Variants in ADK observed in about 807,000 individuals in gnomAD.
ADK encodes the protein adenosine kinase, also known as N6,N6-dimethyladenosine kinase.
In ADK, 24 loss-of-function variants were observed where a neutral mutation model predicts 44.7. The observed-to-expected ratio is 0.54, with a 90% confidence interval of 0.39 to 0.76. The LOEUF (loss-of-function observed/expected upper bound fraction) is 0.76. Among genes scored for constraint, ADK ranks in the 30% least tolerant of loss-of-function variants. The probability of loss-of-function intolerance (pLI) is 0.00; values close to 1 mark genes in which losing one functional copy is unlikely to be tolerated. For synonymous variants in ADK, 128 were observed against 142.6 expected (o/e 0.90, Z 0.73); for missense variants, 321 against 425.1 (o/e 0.76, Z 2.15).
intron 3 of ADK, among the ~76,000 whole-genome samples, chr10:74,234,684 A>G (rs898435059): frequency 2.0e-5 from 3 of 152,174 alleles, no homozygotes; most frequent in African/African-American, 7.2e-5. Flanking sequence ...ATATTGATGA[A>G]TGGTAATCTG....
intron 10 of ADK, among the ~76,000 whole-genome samples, chr10:74,680,354 G>A (rs1855561165): frequency 1.3e-5 from 2 of 151,684 alleles, no homozygotes; most frequent in Non-Finnish European, 2.9e-5. Context: ...AGAGCAATAA[G>A]TATAATATGA....
chr10:74,397,241 GT>G (rs1402168566), intron 5 of ADK, among the ~76,000 whole-genome samples: 2 of 150,820 alleles, frequency 1.3e-5, no homozygotes, highest in Non-Finnish European at 3.0e-5. Context: ...ATAAACAGAT[GT>G]ATCCTTTAGT....
intron 4 of ADK, among the ~76,000 whole-genome samples, chr10:74,362,968 A>G (rs577158443): frequency 6.6e-6 from 1 of 152,328 alleles, no homozygotes; most frequent in African/African-American, 2.4e-5. Flanking sequence ...ATCTCTGCAC[A>G]GATGGGATAG....
intron 3 of ADK, among the ~76,000 whole-genome samples, chr10:74,247,613 A>G (rs991428913): frequency 6.6e-6 from 1 of 152,124 alleles, no homozygotes; most frequent in African/African-American, 2.4e-5. Context: ...TCTTCATTTG[A>G]TATTTTAACT....
At chr10:74,392,150 C>G (rs1420736405) in intron 4 of ADK, among the ~76,000 whole-genome samples, 2 of 152,082 alleles carry the variant, frequency 1.3e-5, no homozygotes, top group South Asian at 4.1e-4. Context: ...TGAGATCCTG[C>G]TTTGAATTCT....
chr10:74,524,436 A>G (rs765605463), intron 6 of ADK, among the ~76,000 whole-genome samples: 1 of 152,204 alleles, frequency 6.6e-6, no homozygotes, highest in African/African-American at 2.4e-5. Context: ...TGTATTTCCC[A>G]GGCTGGAGTG....
intron 10 of ADK, among the ~76,000 whole-genome samples, chr10:74,706,874 A>T (rs1856620573): frequency 6.6e-6 from 1 of 152,214 alleles, no homozygotes; most frequent in South Asian, 2.1e-4. Flanking sequence ...TGAACACTTT[A>T]TGTCTATTTA....
chr10:74,430,515 G>A (rs932748240), intron 6 of ADK, among the ~76,000 whole-genome samples: 2 of 152,118 alleles, frequency 1.3e-5, no homozygotes, highest in East Asian at 3.9e-4. Context: ...AGCATTTTAG[G>A]AGGCCGAGAT....
chr10:74,424,081 C>G (rs1844686104), intron 6 of ADK: 1 of 153,394 alleles, frequency 6.5e-6, no homozygotes, highest in South Asian at 1.9e-4. Flanking sequence ...CAAAGAGGCA[C>G]TTAGTTGGGA....
At chr10:74,486,901 T>G (rs1315469993) in intron 6 of ADK, among the ~76,000 whole-genome samples, 1 of 152,304 alleles carries the variant, frequency 6.6e-6, no homozygotes, top group Admixed American at 6.5e-5. Context: ...TGGTAAGAAT[T>G]CATGTTTCCC....
rs148586152 is a variant in ADK, at chr10:74,359,624, C to T, written c.274-34517C>T. On this transcript the variant is annotated intron_variant, in intron 4 of 10. Transcript: ENST00000539909. ...ACTTGGGAGGCTGAAGCAGGAGGAT[C>T]CTTTGGGCCCAGGTGGTCAAGGCTG... is the stretch of plus-strand genomic sequence containing the variant. 3.2e-3 allele frequency among the ~76,000 whole-genome samples: 484 copies of T among 152,184 alleles called. 7 individuals carry two copies. The highest frequency in any genetic ancestry group is 0.011 in the African/African-American group (454 of 41,526).
At chr10:74,172,104 CT>C (rs1842175750) in intron 1 of ADK, among the ~76,000 whole-genome samples, 1 of 143,984 alleles carries the variant, frequency 6.9e-6, no homozygotes, top group African/African-American at 2.5e-5. Context: ...TAATAAAAAA[CT>C]TTTTTTTCAT....
intron 6 of ADK, among the ~76,000 whole-genome samples, chr10:74,455,619 C>G (rs1450714562): frequency 1.3e-5 from 2 of 152,060 alleles, no homozygotes; most frequent in Admixed American, 6.5e-5. Flanking sequence ...AAGCAATTCT[C>G]CTGCCTCAGC....
At chr10:74,230,020 A>C (rs1844693545) in intron 3 of ADK, among the ~76,000 whole-genome samples, 1 of 150,506 alleles carries the variant, frequency 6.6e-6, no homozygotes, top group Non-Finnish European at 1.5e-5. Context: ...AGCCTGGGTG[A>C]CAGAATGAGA....
At chr10:74,545,809 A>T (rs1027943529) in intron 7 of ADK, among the ~76,000 whole-genome samples, 3 of 152,200 alleles carry the variant, frequency 2.0e-5, no homozygotes, top group Non-Finnish European at 4.4e-5. Context: ...TAAATGTTAA[A>T]CATGGAGTTA....
At chr10:74,256,755 T>C (rs1845838281) in intron 3 of ADK, among the ~76,000 whole-genome samples, 1 of 152,184 alleles carries the variant, frequency 6.6e-6, no homozygotes. Context: ...AATGACCTTA[T>C]TGTTTTAAGC....
chr10:74,235,894 A>G (rs912222322), intron 3 of ADK, among the ~76,000 whole-genome samples: 2 of 152,186 alleles, frequency 1.3e-5, no homozygotes, highest in African/African-American at 4.8e-5. Flanking sequence ...GGGTTGTTAT[A>G]AAGTGAGTCT....
At position 74,527,611 on chromosome 10, in the gene ADK, G is replaced by T. The variant is rs144734668; in HGVS notation, c.726+2185G>T. The stretch of plus-strand genomic sequence containing the variant: ...AGCTGCCTCTGCCTTTGCCGGTGCA[G>T]TGAGAGCAGCTTCAGGAATCTTATG... On this transcript the variant is annotated intron_variant, in intron 7 of 10. Transcript: ENST00000539909. 344 of 782,172 alleles carry T rather than the reference G, an allele frequency of 4.4e-4. 5 individuals are homozygous for T. In the East Asian group the frequency reaches 5.4e-3, roughly 12 times the overall value. 48.5% of individuals were successfully genotyped at this position (782,172 alleles called of 1,614,324 possible).
intron 3 of ADK, among the ~76,000 whole-genome samples, chr10:74,260,269 T>C (rs556447017): frequency 6.6e-6 from 1 of 152,132 alleles, no homozygotes; most frequent in African/African-American, 2.4e-5. Flanking sequence ...GTTTGTTTGT[T>C]TGTTTTGCTT....
Sources: gnomAD v4.1 joint callset for allele counts (sites outside exome capture counted in the v4.1 genomes callset) on GRCh38, gnomAD v4.1.1 for gene constraint, MANE v1.5 for transcripts, NCBI Gene and HGNC (gene_info 2026-07-23, HGNC 2026-07-21) for gene names.